The following DNAI7 variants were observed in gnomAD, a reference collection of about 807,000 sequenced individuals.
DNAI7 encodes dynein axonemal intermediate chain 7, also known as cancer susceptibility 1.
In DNAI7, 78 loss-of-function variants were observed where a neutral mutation model predicts 86.6. The ratio of observed to expected loss-of-function variants is 0.90; its 90% CI spans 0.75 to 1.09. The LOEUF is 1.09. Among genes scored for constraint, DNAI7 ranks in the 50% least tolerant of loss-of-function variants. The probability of loss-of-function intolerance (pLI) is 0.00; values close to 1 mark genes in which losing one functional copy is unlikely to be tolerated. For missense variants in DNAI7, 753 were observed against 810.2 expected, an observed-to-expected ratio of 0.93 and a Z score of 0.86; for synonymous variants, 274 against 273.0, an observed-to-expected ratio of 1.00 and a Z score of -0.04.
At chr12:25,154,843 G>T (rs190269739) in intron 5 of DNAI7, among the ~76,000 whole-genome samples, 87 of 152,230 alleles carry the variant, frequency 5.7e-4, no homozygotes, top group Non-Finnish European at 1.2e-3. Flanking sequence ...TTAGTAGAAG[G>T]CCTTCCATTC....
intron 1 of DNAI7, among the ~76,000 whole-genome samples, chr12:25,194,604 A>C (rs1371658585): frequency 6.6e-6 from 1 of 152,236 alleles, no homozygotes; most frequent in East Asian, 1.9e-4. Context: ...TAACTAATGC[A>C]GGATGAGAAC....
At chr12:25,133,888 A>C (rs1401107068) in intron 9 of DNAI7, among the ~76,000 whole-genome samples, 7 of 152,174 alleles carry the variant, frequency 4.6e-5, no homozygotes, top group Non-Finnish European at 1.0e-4. Context: ...CCATTCACAG[A>C]CTTTGGACAA....
At chr12:25,125,136 G>A (rs1050799461) in intron 9 of DNAI7, among the ~76,000 whole-genome samples, 1 of 152,184 alleles carries the variant, frequency 6.6e-6, no homozygotes, top group Non-Finnish European at 1.5e-5. Context: ...TATATACCCA[G>A]TAATGGGATT....
chr12:25,152,964 C>T (rs1945732414), intron 6 of DNAI7, among the ~76,000 whole-genome samples: 4 of 152,174 alleles, frequency 2.6e-5, no homozygotes, highest in Admixed American at 2.6e-4. Flanking sequence ...AATTTTCAGC[C>T]ATTATCTCTT....
rs566431112 is a variant in DNAI7, at chr12:25,183,225, T to G, written c.21+7389A>C. On this transcript the variant is annotated intron_variant, in intron 2 of 15. Coordinates refer to ENST00000395987, the MANE Select transcript of DNAI7 (RefSeq NM_018272.5). ...GGTAGAAACAATAGACACTGGGGACTCTAAAAGAGGGGAGGGAGCGGGGAC... is the reference window on the plus strand; with the variant it reads ...GGTAGAAACAATAGACACTGGGGACGCTAAAAGAGGGGAGGGAGCGGGGAC... 2.5e-4 allele frequency among the ~76,000 whole-genome samples: 38 copies of G among 152,042 alleles called. 1 individual carries two copies. Among genetic ancestry groups the G allele is most frequent in the African/African-American group, 8.7e-4 (36 of 41,510 alleles).
At chr12:25,189,204 C>T (rs1002440279) in intron 2 of DNAI7, among the ~76,000 whole-genome samples, 2 of 152,178 alleles carry the variant, frequency 1.3e-5, no homozygotes, top group Admixed American at 1.3e-4. Flanking sequence ...TGAATTTCTA[C>T]TATGTGCCAG....
intron 10 of DNAI7, among the ~76,000 whole-genome samples, 178 bp downstream of exon 10, chr12:25,123,033 A>G (rs1941564679): frequency 6.6e-6 from 1 of 152,220 alleles, no homozygotes; most frequent in South Asian, 2.1e-4. Context: ...TAAGAGAGAC[A>G]GGGATAAATT....
chr12:25,193,834 T>A (rs1367468619), intron 1 of DNAI7, among the ~76,000 whole-genome samples: 1 of 148,740 alleles, frequency 6.7e-6, no homozygotes, highest in Non-Finnish European at 1.5e-5. Context: ...TTTCTCTTTT[T>A]TTTTTGAGAC....
intron 2 of DNAI7, among the ~76,000 whole-genome samples, chr12:25,184,189 CAG>C (rs1371280623): frequency 6.6e-6 from 1 of 152,188 alleles, no homozygotes; most frequent in Non-Finnish European, 1.5e-5. Flanking sequence ...AGTATATTCA[CAG>C]AGTTGTGTAA....
At chr12:25,183,674 C>T (rs1275304032) in intron 2 of DNAI7, among the ~76,000 whole-genome samples, 1 of 151,694 alleles carries the variant, frequency 6.6e-6, no homozygotes, top group Admixed American at 6.6e-5. Flanking sequence ...TGGACTCAAG[C>T]GATCCTTCTG....
intron 11 of DNAI7, 28 bp downstream of exon 11, chr12:25,121,725 A>AT (rs1565647149): frequency 1.3e-6 from 2 of 1,564,060 alleles, no homozygotes; most frequent in African/African-American, 2.7e-5. Context: ...TATTTTACTT[A>AT]TAAGTTTTGA....
chr12:25,122,448 C>CAAAAA (rs34138209), intron 10 of DNAI7, among the ~76,000 whole-genome samples: 22 of 76,596 alleles, frequency 2.9e-4, no homozygotes, highest in African/African-American at 3.7e-4. Flanking sequence ...GATCTCATCT[C>CAAAAA]AAAAAAAAAA....
chr12:25,126,546 AAAGC>A (rs1942160499), intron 9 of DNAI7, among the ~76,000 whole-genome samples: 1 of 152,164 alleles, frequency 6.6e-6, no homozygotes, highest in Non-Finnish European at 1.5e-5. Context: ...ATATAAAAGT[AAAGC>A]AAGGGAGAGG....
intron 1 of DNAI7, chr12:25,194,750 T>G: frequency 1.2e-6 from 1 of 815,704 alleles, no homozygotes; most frequent in Non-Finnish European, 1.9e-6. Flanking sequence ...AATAAGAAAA[T>G]TTAGTGGGAA....
intron 2 of DNAI7, 125 bp from the exon 3 acceptor site, chr12:25,161,322 T>C: frequency 1.3e-6 from 1 of 791,158 alleles, no homozygotes; most frequent in Non-Finnish European, 2.2e-6. Flanking sequence ...ATGCATTCAT[T>C]CAACAAATAA....
chr12:25,184,086 A>G (rs1183482131), intron 2 of DNAI7, among the ~76,000 whole-genome samples: 1 of 152,160 alleles, frequency 6.6e-6, no homozygotes, highest in East Asian at 1.9e-4. Context: ...ATGGATTAGT[A>G]TTATCATGCA....
chr12:25,158,379 TG>T, intron 4 of DNAI7, 92 bp downstream of exon 4: 1 of 930,240 alleles, frequency 1.1e-6, no homozygotes, highest in African/African-American at 1.6e-5. Context: ...TAAATATTAC[TG>T]GTAGCTATGG....
In DNAI7 at chr12:25,108,314, TAAAG is replaced by T. The variant is rs1406470079; in HGVS notation, c.*230_*233del. 5.5e-6 allele frequency: 3 copies of T among 544,758 alleles called. No individual in the cohort carries two copies. The highest frequency in any genetic ancestry group is 6.0e-5 in the East Asian group (2 of 33,580). The allele number at this position is 544,758 out of a possible 1,614,324, so 33.7% of individuals were successfully genotyped here. ...TATTGTTTGTTAAAGTTTATTGAAATAAAGAATCATTTAAATCTTCATAGAGTGA... is the reference window on the plus strand; with the variant it reads ...TATTGTTTGTTAAAGTTTATTGAAATAATCATTTAAATCTTCATAGAGTGA... On this transcript the variant is annotated 3_prime_UTR_variant, in exon 16 of 16. Coordinates refer to ENST00000395987, the MANE Select transcript of DNAI7 (RefSeq NM_018272.5).
At chr12:25,143,855 GAGA>G (rs1441706818) in intron 9 of DNAI7, among the ~76,000 whole-genome samples, 1 of 152,072 alleles carries the variant, frequency 6.6e-6, no homozygotes. Context: ...ACAGAAAAAA[GAGA>G]AGAAGCTAAC....
Sources: allele counts gnomAD v4.1 joint callset (sites outside exome capture counted in the v4.1 genomes callset), GRCh38; gene constraint gnomAD v4.1.1; transcripts MANE v1.5; gene names NCBI Gene and HGNC (gene_info 2026-07-23, HGNC 2026-07-21).